The following CLSTN2 variants were observed in gnomAD, a reference collection of about 807,000 sequenced individuals.
CLSTN2 encodes calsyntenin-2.
In CLSTN2, 48 loss-of-function variants were observed where a neutral mutation model predicts 101.2. The ratio of observed to expected loss-of-function variants is 0.47; its 90% CI spans 0.38 to 0.60. The LOEUF is 0.60. Among genes scored for constraint, CLSTN2 ranks in the 20% least tolerant of loss-of-function variants. CLSTN2 has a pLI of 0.00. For synonymous variants in CLSTN2, 481 were observed against 463.6 expected (o/e 1.04, Z -0.48); for missense variants, 1,160 against 1,238.2 (o/e 0.94, Z 0.95).
At chr3:140,088,283 T>C (rs1008087813) in intron 1 of CLSTN2, among the ~76,000 whole-genome samples, 2 of 152,216 alleles carry the variant, frequency 1.3e-5, no homozygotes, top group Non-Finnish European at 2.9e-5. Context: ...GTCCATTATC[T>C]GAGAATAGGA....
In CLSTN2 at chr3:140,243,144, A is replaced by C. The variant is rs531556477; in HGVS notation, c.232+67071A>C. Among the ~76,000 whole-genome samples, 4 of 152,328 alleles carry C rather than the reference A, an allele frequency of 2.6e-5. No individual in the cohort carries two copies. The South Asian group carries it at 6.2e-4, about 24-fold the overall frequency. On this transcript the variant is annotated intron_variant, in intron 2 of 16. Transcript: ENST00000458420. Reference sequence around the variant, plus strand: ...GAATAAAGGCCTTCTCAAGTTTCACAGCTCACCCTCTCCCGTCATGGCAGA... The same window carrying C: ...GAATAAAGGCCTTCTCAAGTTTCACCGCTCACCCTCTCCCGTCATGGCAGA...
chr3:140,108,936 G>A (rs1004668047), intron 1 of CLSTN2, among the ~76,000 whole-genome samples: 3 of 152,268 alleles, frequency 2.0e-5, no homozygotes, highest in Non-Finnish European at 2.9e-5. Context: ...GGGGCAGAGA[G>A]CACCCTATGA....
intron 2 of CLSTN2, among the ~76,000 whole-genome samples, chr3:140,387,898 C>T (rs2088070677): frequency 6.6e-6 from 1 of 152,140 alleles, no homozygotes; most frequent in Non-Finnish European, 1.5e-5. Context: ...TTTTTTGTTT[C>T]TGGCCAGTAT....
chr3:140,121,912 C>A (rs1234694700), intron 1 of CLSTN2, among the ~76,000 whole-genome samples: 2 of 152,184 alleles, frequency 1.3e-5, no homozygotes, highest in Non-Finnish European at 2.9e-5. Flanking sequence ...CTGGCTTGAT[C>A]TTACCTTCCC....
intron 4 of CLSTN2, among the ~76,000 whole-genome samples, chr3:140,417,228 T>C (rs1274346627): frequency 1.3e-5 from 2 of 152,214 alleles, no homozygotes; most frequent in East Asian, 3.8e-4. Context: ...AAACGTTCTT[T>C]ATAATCACCA....
At chr3:140,439,660 G>T (rs57670928) in intron 5 of CLSTN2, among the ~76,000 whole-genome samples, 1 of 152,130 alleles carries the variant, frequency 6.6e-6, no homozygotes, top group Non-Finnish European at 1.5e-5. Flanking sequence ...ATTTGTCCAC[G>T]ACATTTCAAT....
At chr3:140,144,999 C>G (rs913662105) in intron 1 of CLSTN2, among the ~76,000 whole-genome samples, 4 of 152,342 alleles carry the variant, frequency 2.6e-5, no homozygotes, top group African/African-American at 9.6e-5. Context: ...CCTCACGCCC[C>G]TGTGGGCCCT....
intron 8 of CLSTN2, among the ~76,000 whole-genome samples, chr3:140,518,355 G>A (rs1934960899): frequency 6.6e-6 from 1 of 152,166 alleles, no homozygotes; most frequent in South Asian, 2.1e-4. Flanking sequence ...TTGTTACAAA[G>A]TTCAGCTGGA....
chr3:140,121,088 G>A lies in CLSTN2; in HGVS notation c.110-54863G>A, dbSNP rs576779017. Among the ~76,000 whole-genome samples, 4 of 152,288 alleles carry A rather than the reference G, an allele frequency of 2.6e-5. No homozygotes were observed. The South Asian group carries it at 8.3e-4, about 32-fold the overall frequency. ...TTTTTGAATGTGTGGACAGGGGTGAGGGAAACCACAAGAAGTAGTGCGGTG... is the reference window on the plus strand; with the variant it reads ...TTTTTGAATGTGTGGACAGGGGTGAAGGAAACCACAAGAAGTAGTGCGGTG... On this transcript the variant is annotated intron_variant, in intron 1 of 16. Coordinates refer to ENST00000458420, the MANE Select transcript of CLSTN2 (RefSeq NM_022131.3).
chr3:140,282,822 A>AT (rs1322925035), intron 2 of CLSTN2, among the ~76,000 whole-genome samples: 3 of 152,186 alleles, frequency 2.0e-5, no homozygotes, highest in Non-Finnish European at 4.4e-5. Flanking sequence ...GTTGTACAGT[A>AT]TGTGCATTAC....
At chr3:140,533,710 CAAAAAAAAAAA>C (rs71627883) in intron 9 of CLSTN2, among the ~76,000 whole-genome samples, 8 of 58,890 alleles carry the variant, frequency 1.4e-4, no homozygotes, top group South Asian at 5.2e-4. Flanking sequence ...GACTCCATCT[CAAAAAAAAAAA>C]AAAAAAAAAA....
At chr3:139,987,575 G>A (rs996022729) in intron 1 of CLSTN2, among the ~76,000 whole-genome samples, 5 of 152,188 alleles carry the variant, frequency 3.3e-5, no homozygotes. Context: ...TATTGCATAG[G>A]TAAGAGAGAT....
At chr3:140,456,890 A>T (rs1426686517) in intron 6 of CLSTN2, among the ~76,000 whole-genome samples, 1 of 152,154 alleles carries the variant, frequency 6.6e-6, no homozygotes, top group Non-Finnish European at 1.5e-5. Flanking sequence ...TTTTGTAACC[A>T]ATTTTGTCTC....
chr3:139,945,494 T>G (rs992101052), intron 1 of CLSTN2, among the ~76,000 whole-genome samples: 1 of 152,210 alleles, frequency 6.6e-6, no homozygotes, highest in South Asian at 2.1e-4. Context: ...TCTTATTAAT[T>G]TAGTTAATTA....
intron 1 of CLSTN2, among the ~76,000 whole-genome samples, chr3:140,132,566 G>T (rs2009539580): frequency 6.6e-6 from 1 of 152,132 alleles, no homozygotes; most frequent in African/African-American, 2.4e-5. Flanking sequence ...AGTATGTCTT[G>T]GGGTCAGTTT....
chr3:140,484,882 T>A (rs1426732139), intron 8 of CLSTN2, among the ~76,000 whole-genome samples: 1 of 152,180 alleles, frequency 6.6e-6, no homozygotes, highest in African/African-American at 2.4e-5. Flanking sequence ...TCAAGGTTTT[T>A]AACTTCTTTG....
At chr3:140,027,117 G>A (rs1194062813) in intron 1 of CLSTN2, among the ~76,000 whole-genome samples, 1 of 152,210 alleles carries the variant, frequency 6.6e-6, no homozygotes, top group Non-Finnish European at 1.5e-5. Context: ...TCAGCCCAGG[G>A]CGTTCATCAG....
intron 5 of CLSTN2, among the ~76,000 whole-genome samples, 198 bp downstream of exon 5, chr3:140,421,472 A>G (rs975454298): frequency 4.6e-5 from 7 of 152,248 alleles, no homozygotes; most frequent in Non-Finnish European, 1.0e-4. Flanking sequence ...TGTCGAAGAC[A>G]TCTCCTCTAA....
At chr3:139,997,287 A>G (rs1339424865) in intron 1 of CLSTN2, among the ~76,000 whole-genome samples, 2 of 152,142 alleles carry the variant, frequency 1.3e-5, no homozygotes, top group South Asian at 2.1e-4. Context: ...GTGAAGTCAA[A>G]TGTATCAATC....
Sources: gnomAD v4.1 joint callset for allele counts (sites outside exome capture counted in the v4.1 genomes callset) on GRCh38, gnomAD v4.1.1 for gene constraint, MANE v1.5 for transcripts, NCBI Gene and HGNC (gene_info 2026-07-23, HGNC 2026-07-21) for gene names.